MLLT10: variants seen among roughly 807,000 people sequenced by gnomAD.
MLLT10 encodes the protein protein AF-10.
A neutral mutation model predicts 129.1 loss-of-function variants in MLLT10; 30 were observed. The observed-to-expected ratio is 0.23, with a 90% confidence interval of 0.17 to 0.32. The LOEUF (loss-of-function observed/expected upper bound fraction) is 0.32, where lower values mean the gene tolerates loss of function less well. Among genes scored for constraint, MLLT10 ranks in the 10% least tolerant of loss-of-function variants. MLLT10 has a pLI of 1.00. For synonymous variants in MLLT10, 490 were observed against 446.4 expected (o/e 1.10, Z -1.23); for missense variants, 1,119 against 1,268.3 (o/e 0.88, Z 1.79).
At chr10:21,740,566 C>T (rs1564762545) in intron 22 of MLLT10, among the ~76,000 whole-genome samples, 1 of 152,134 alleles carries the variant, frequency 6.6e-6, no homozygotes, top group African/African-American at 2.4e-5. Flanking sequence ...GTCTATATAT[C>T]TTGGAAATAT....
chr10:21,715,595 GTCTT>G (rs1235092775), intron 14 of MLLT10, among the ~76,000 whole-genome samples: 1 of 152,112 alleles, frequency 6.6e-6, no homozygotes, highest in Non-Finnish European at 1.5e-5. Flanking sequence ...TCTCTTTTCT[GTCTT>G]TATAAAAGTC....
At chr10:21,577,258 A>G (rs2040867689) in intron 3 of MLLT10, among the ~76,000 whole-genome samples, 1 of 152,150 alleles carries the variant, frequency 6.6e-6, no homozygotes, top group Non-Finnish European at 1.5e-5. Flanking sequence ...TTCTTTACTC[A>G]TTCATTAATT....
Position 21,534,508 on chromosome 10 carries a change from C to G in MLLT10, c.-13C>G, listed in dbSNP as rs1316756581. On this transcript the variant is annotated 5_prime_UTR_variant, in exon 1 of 23. Transcript: ENST00000307729. Reference sequence around the variant, plus strand: ...CCTGTGCGGAACGTGAGTGACTGAGCGGCAAAGCCCGAGTGAGCGAGCGGT... The same window carrying G: ...CCTGTGCGGAACGTGAGTGACTGAGGGGCAAAGCCCGAGTGAGCGAGCGGT... The G allele has an allele frequency of 8.0e-6, 7 of 875,524 alleles. No homozygotes were observed. Among genetic ancestry groups the G allele is most frequent in the Non-Finnish European group, 1.0e-5 (6 of 598,264 alleles). 54.2% of individuals were successfully genotyped at this position (875,524 alleles called of 1,614,324 possible). A position where few individuals can be genotyped will look rare whatever the true frequency, so the allele number is the denominator to read the frequency against.
intron 13 of MLLT10, among the ~76,000 whole-genome samples, chr10:21,691,527 T>C (rs543846088): frequency 3.3e-4 from 50 of 152,314 alleles, no homozygotes; most frequent in African/African-American, 1.2e-3. Context: ...CAAAGGTGTA[T>C]CTGAAAGCTT....
intron 8 of MLLT10, chr10:21,624,671 C>T (rs570618981): frequency 3.5e-6 from 5 of 1,446,448 alleles, no homozygotes; most frequent in African/African-American, 2.8e-5. Flanking sequence ...ATAGTCACCA[C>T]CTTGCTGAAG....
intron 8 of MLLT10, chr10:21,625,895 G>A (rs2046381627): frequency 1.3e-6 from 1 of 782,234 alleles, no homozygotes; most frequent in Non-Finnish European, 2.4e-6. Flanking sequence ...CTCAAAAAGG[G>A]GCACCAACTC....
At chr10:21,618,586 A>C (rs2045500070) in intron 8 of MLLT10, among the ~76,000 whole-genome samples, 1 of 152,122 alleles carries the variant, frequency 6.6e-6, no homozygotes, top group South Asian at 2.1e-4. Flanking sequence ...TTTGAGAGTA[A>C]ATTCTCTATC....
At chr10:21,734,611 C>A (rs1233891865) in intron 20 of MLLT10, among the ~76,000 whole-genome samples, 1 of 152,154 alleles carries the variant, frequency 6.6e-6, no homozygotes, top group Non-Finnish European at 1.5e-5. Flanking sequence ...AACTAGGGGA[C>A]TAAAGCTATG....
intron 13 of MLLT10, among the ~76,000 whole-genome samples, chr10:21,687,073 T>C (rs979105396): frequency 4.6e-5 from 7 of 152,184 alleles, no homozygotes; most frequent in African/African-American, 4.8e-5. Context: ...GTCCCACTTA[T>C]TGCACTTTTA....
chr10:21,736,371 A>G (rs1325385957), intron 21 of MLLT10, among the ~76,000 whole-genome samples: 1 of 152,176 alleles, frequency 6.6e-6, no homozygotes, highest in African/African-American at 2.4e-5. Context: ...TGCAACCTCC[A>G]TCTCCTGGGC....
Position 21,741,936 on chromosome 10 carries a change from CAG to C in MLLT10, c.3164_3165del, listed in dbSNP as rs1564765837. 2.5e-6 allele frequency: 4 copies of C among 1,610,988 alleles called. No homozygotes were observed. Among genetic ancestry groups the C allele is most frequent in the East Asian group, 2.2e-5 (1 of 44,790 alleles). On this transcript the variant is annotated splice_acceptor_variant, in intron 22 of 22. Transcript: ENST00000307729. LOFTEE classifies it high-confidence loss of function. ...ACGCATCTGCTCTTTTGTTTACCTGCAGAGACTTAGTGATAAAACTGGGCCTG... is the reference window on the plus strand; with the variant it reads ...ACGCATCTGCTCTTTTGTTTACCTGCAGACTTAGTGATAAAACTGGGCCTG...
chr10:21,574,095 CA>C (rs1217231379), intron 3 of MLLT10, among the ~76,000 whole-genome samples: 2 of 152,076 alleles, frequency 1.3e-5, no homozygotes, highest in African/African-American at 4.8e-5. Flanking sequence ...AGGAACTTAT[CA>C]GTGAAAAAAT....
At chr10:21,675,637 T>G (rs1343793672) in intron 11 of MLLT10, among the ~76,000 whole-genome samples, 1 of 152,246 alleles carries the variant, frequency 6.6e-6, no homozygotes, top group African/African-American at 2.4e-5. Context: ...AAAAGTACCT[T>G]TAGACAAATT....
intron 8 of MLLT10, among the ~76,000 whole-genome samples, chr10:21,641,559 G>T (rs1203409882): frequency 2.6e-5 from 4 of 152,178 alleles, no homozygotes; most frequent in African/African-American, 9.7e-5. Flanking sequence ...CGGAGGCTGA[G>T]GTGGGAGGAT....
At chr10:21,662,982 C>T (rs1338957012) in intron 9 of MLLT10, among the ~76,000 whole-genome samples, 4 of 152,116 alleles carry the variant, frequency 2.6e-5, no homozygotes, top group African/African-American at 9.7e-5. Flanking sequence ...CATTTCCCTT[C>T]CCTAGGTTAG....
chr10:21,699,914 A>C (rs781058332), intron 13 of MLLT10, among the ~76,000 whole-genome samples: 2 of 152,114 alleles, frequency 1.3e-5, no homozygotes, highest in Non-Finnish European at 2.9e-5. Context: ...TCTATGAAAA[A>C]TGATGTTATT....
intron 3 of MLLT10, among the ~76,000 whole-genome samples, chr10:21,558,619 C>T (rs1432156601): frequency 1.3e-5 from 2 of 151,458 alleles, no homozygotes; most frequent in Non-Finnish European, 1.5e-5. Context: ...CTCCTGGCCT[C>T]ACGCAGTCCT....
chr10:21,669,088 G>T, intron 9 of MLLT10: 1 of 1,305,498 alleles, frequency 7.7e-7, no homozygotes, highest in South Asian at 1.3e-5. Context: ...AAATGTAATT[G>T]GTTTGTAAAA....
intron 3 of MLLT10, among the ~76,000 whole-genome samples, chr10:21,552,286 A>AT (rs1054404257): frequency 2.2e-5 from 3 of 138,130 alleles, no homozygotes; most frequent in Non-Finnish European, 4.8e-5. Flanking sequence ...GTTAATTTTT[A>AT]TTTTTTTCCT....
Sources: gnomAD v4.1 joint callset for allele counts (sites outside exome capture counted in the v4.1 genomes callset) on GRCh38, gnomAD v4.1.1 for gene constraint, MANE v1.5 for transcripts, NCBI Gene and HGNC (gene_info 2026-07-23, HGNC 2026-07-21) for gene names.